CHTF18: variants seen among roughly 807,000 people sequenced by gnomAD.
The protein encoded by CHTF18 is chromosome transmission fidelity protein 18 homolog.
CHTF18 carries 151 observed loss-of-function variants against 113.4 expected under a neutral mutation model. The observed-to-expected ratio is 1.33, with a 90% CI of 1.17 to 1.52. The LOEUF is 1.52. Ranked by LOEUF, CHTF18 falls within the 40% of genes most tolerant of loss-of-function variation. CHTF18 has a pLI of 0.00. For missense variants in CHTF18, 1,982 were observed against 1,381.6 expected (o/e 1.43, Z -6.89); for synonymous variants, 916 against 598.8 (o/e 1.53, Z -7.74).
intron 18 of CHTF18, 130 bp downstream of exon 18, chr16:796,207 A>C (rs2042342799): frequency 8.1e-7 from 1 of 1,236,640 alleles, no homozygotes; most frequent in South Asian, 1.5e-5. Flanking sequence ...GCCCCAGCTT[A>C]TCTTTTGCTC....
rs532156558 is a variant in CHTF18 at position 791,242 on chromosome 16, A to G, written c.976A>G (p.Arg326Gly). 4 of 1,611,040 alleles carry G rather than the reference A, an allele frequency of 2.5e-6. No individual in the cohort carries two copies. Among genetic ancestry groups the G allele is most frequent in the Non-Finnish European group, 3.4e-6 (4 of 1,179,356 alleles). Residue 326 changes from arginine to glycine, a missense_variant, in exon 8 of 22, where the codon AGG becomes GGG. By Grantham distance (125) the Arg-to-Gly change is moderately radical. Transcript: ENST00000262315. ...CCACGAGAGGCCTTCCCGGAAGCCCAGGCCCAGTGTTGAGCCGGCCCGGGT... is the reference window on the plus strand; with the variant it reads ...CCACGAGAGGCCTTCCCGGAAGCCCGGGCCCAGTGTTGAGCCGGCCCGGGT... Reference protein sequence around the residue: ...FGHERPSRKPRPSVEPARVSK... With the variant: ...FGHERPSRKPGPSVEPARVSK...
chr16:793,055 C>T lies in CHTF18; in HGVS notation c.1662C>T (p.Asn554=), dbSNP rs780542660. Residue 554 remains asparagine (N), a synonymous_variant, in exon 13 of 22, where the codon AAC becomes AAT. Transcript: ENST00000262315. ...ACAATGACATCCGGGCCTGCATCAA[C>T]ACCCTGCAGGTGGGCGGCCGGCAGG... is the stretch of plus-strand genomic sequence containing the variant. ...KTDNDIRACI[N]TLQFLYSRGQ... is the part of the protein sequence containing the mutation. 3 of 1,532,548 alleles carry T rather than the reference C, an allele frequency of 2.0e-6. No homozygotes were observed. Among genetic ancestry groups the T allele is most frequent in the Non-Finnish European group, 2.6e-6 (3 of 1,133,866 alleles). The allele number at this position is 1,532,548 out of a possible 1,614,324, so 94.9% of individuals were successfully genotyped here. A position where few individuals can be genotyped will look rare whatever the true frequency, so the allele number is the denominator to read the frequency against.
intron 14 of CHTF18, 96 bp from the exon 15 acceptor site, chr16:793,958 G>T: frequency 7.2e-7 from 1 of 1,385,652 alleles, no homozygotes; most frequent in Non-Finnish European, 9.9e-7. Context: ...GAAGTGGGTG[G>T]CAGCTCTGAT....
intron 19 of CHTF18, 45 bp from the exon 20 acceptor site, chr16:796,915 AC>A: frequency 1.3e-6 from 2 of 1,542,820 alleles, no homozygotes; most frequent in Non-Finnish European, 1.8e-6. Context: ...CACCATCCCC[AC>A]TGTATCCCTG....
Position 797,080 on chromosome 16 carries a change from C to T in CHTF18, c.2721C>T (p.Ala907=), listed in dbSNP as rs755269509. The change falls in exon 20 of 22, where the codon GCC becomes GCT. Residue 907 remains alanine (A), a synonymous_variant. Transcript: ENST00000262315. ...TGGAGCACATCATGAGGCGAGCGGC[C>T]CGGGAGGAACAGGTGTGGAATGGGC... The part of the protein sequence containing the change: ...QRLEHIMRRA[A]REEQPEKDFF... 2 of 1,528,810 alleles carry T rather than the reference C, an allele frequency of 1.3e-6. No homozygotes were observed. Among genetic ancestry groups the T allele is most frequent in the Middle Eastern group, 1.8e-4 (1 of 5,534 alleles). 94.7% of individuals were successfully genotyped at this position (1,528,810 alleles called of 1,614,324 possible).
intron 3 of CHTF18, 79 bp downstream of exon 3, chr16:789,439 G>A (rs938481915): frequency 1.1e-5 from 17 of 1,536,756 alleles, no homozygotes; most frequent in Non-Finnish European, 1.5e-5. Flanking sequence ...CCCTGGATGA[G>A]GCCTGGGGGG....
At position 792,705 on chromosome 16, in the gene CHTF18, C is replaced by A. The variant is rs78237560; in HGVS notation, c.1479-13C>A. 1 of 1,570,640 alleles carries A rather than the reference C, an allele frequency of 6.4e-7. No homozygotes were observed. The highest frequency in any genetic ancestry group is 8.6e-7 in the Non-Finnish European group (1 of 1,162,978). On this transcript the variant is annotated splice_polypyrimidine_tract_variant and intron_variant, in intron 11 of 21. Transcript: ENST00000262315. The stretch of plus-strand genomic sequence containing the variant: ...CCAACCCTGGGGTCCCTGGCCCTGC[C>A]GCCTCTCCTCAGGTTCGCACCGTCC...
At chr16:792,900 G>GAACCCTGGT in intron 12 of CHTF18, 66 bp from the exon 13 acceptor site, 1 of 1,533,948 alleles carries the variant, frequency 6.5e-7, no homozygotes, top group Non-Finnish European at 8.8e-7. Flanking sequence ...CCTCCCCATG[G>GAACCCTGGT]AACCCTGGTA....
chr16:795,795 C>T lies in CHTF18; in HGVS notation c.2286C>T (p.Leu762=), dbSNP rs373526968. ...ATPQALLLDA[L]CLLLDILAPK... is the part of the protein sequence containing the mutation. ...CCCAGGCCCTGCTCCTCGATGCCCTCTGCCTGCTCCTGGACATTCTTGCAC... is the reference window on the plus strand; with the variant it reads ...CCCAGGCCCTGCTCCTCGATGCCCTTTGCCTGCTCCTGGACATTCTTGCAC... The change falls in exon 17 of 22, where the codon CTC becomes CTT. Residue 762 remains leucine (L), a synonymous_variant. Transcript: ENST00000262315. The T allele has an allele frequency of 1.1e-5, 18 of 1,609,944 alleles. No individual in the cohort carries two copies. Among genetic ancestry groups the T allele is most frequent in the African/African-American group, 8.1e-5 (6 of 74,438 alleles).
intron 18 of CHTF18, 89 bp downstream of exon 18, chr16:796,166 A>C: frequency 1.3e-6 from 2 of 1,504,370 alleles, no homozygotes; most frequent in Admixed American, 2.0e-5. Context: ...CAGGAGTCTG[A>C]AAGCACGGTC....
intron 12 of CHTF18, 62 bp downstream of exon 12, chr16:792,873 G>A: frequency 6.5e-7 from 1 of 1,530,312 alleles, no homozygotes; most frequent in Non-Finnish European, 8.8e-7. Flanking sequence ...CCTCGTTCTG[G>A]CCCCTGTTTC....
chr16:792,088 C>T (rs997410933), intron 9 of CHTF18, 136 bp from the exon 10 acceptor site: 8 of 1,532,926 alleles, frequency 5.2e-6, no homozygotes, highest in African/African-American at 1.4e-5. Flanking sequence ...AAAACGTGTC[C>T]TTCCTCGGGG....
intron 18 of CHTF18, 22 bp downstream of exon 18, chr16:796,099 G>T (rs199931642): frequency 9.4e-5 from 149 of 1,590,766 alleles, no homozygotes; most frequent in Admixed American, 2.1e-4. Flanking sequence ...AGTGCCTGGG[G>T]TGTGCTCCAG....
intron 3 of CHTF18, 75 bp downstream of exon 3, chr16:789,435 A>C (rs2042104748): frequency 6.5e-7 from 1 of 1,533,932 alleles, no homozygotes; most frequent in Non-Finnish European, 8.8e-7. Flanking sequence ...CGTGCCCTGG[A>C]TGAGGCCTGG....
intron 3 of CHTF18, 70 bp downstream of exon 3, chr16:789,430 C>T (rs1484305954): frequency 7.2e-6 from 11 of 1,534,190 alleles, no homozygotes; most frequent in African/African-American, 1.4e-5. Flanking sequence ...CATCCCGTGC[C>T]CTGGATGAGG....
At chr16:796,660 C>T (rs1036602614) in intron 18 of CHTF18, 57 bp from the exon 19 acceptor site, 1 of 1,513,378 alleles carries the variant, frequency 6.6e-7, no homozygotes, top group African/African-American at 1.4e-5. Flanking sequence ...CCCGGCGGCT[C>T]TCTGGCCCTG....
chr16:789,391 C>T (rs368039929), intron 3 of CHTF18, 31 bp downstream of exon 3: 30 of 1,556,586 alleles, frequency 1.9e-5, no homozygotes, highest in Admixed American at 5.6e-5. Context: ...CGTCCCATCC[C>T]ATCTGTCCAG....
At position 792,454 on chromosome 16, in the gene CHTF18, C is replaced by G; in HGVS notation, c.1342C>G (p.Leu448Val). The G allele has an allele frequency of 6.4e-7, 1 of 1,569,826 alleles. No individual in the cohort carries two copies. The highest frequency in any genetic ancestry group is 1.2e-5 in the South Asian group (1 of 86,246). The change falls in exon 11 of 22, where the codon CTC (leucine) becomes GTC (valine). Residue 448 changes from leucine (L) to valine (V), a missense_variant. Transcript: ENST00000262315. ...DGAPVAAINV[L>V]LSILNRKGPQ... is the part of the protein sequence containing the mutation. ...CTCCCCCAAGGCCGCCATCAACGTC[C>G]TCCTGAGCATCCTGAACCGCAAGGG...
At chr16:792,023 C>A in intron 9 of CHTF18, 75 bp downstream of exon 9, 2 of 1,552,434 alleles carry the variant, frequency 1.3e-6, no homozygotes, top group Non-Finnish European at 1.7e-6. Flanking sequence ...GACCTGAAAC[C>A]GGGTGTGGAT....
Sources: gnomAD v4.1 joint callset for allele counts on GRCh38, gnomAD v4.1.1 for gene constraint, MANE v1.5 for transcripts, NCBI Gene and HGNC (gene_info 2026-07-23, HGNC 2026-07-21) for gene names.